MRGPRF: variants seen among roughly 807,000 people sequenced by gnomAD.
MRGPRF encodes mas-related G protein-coupled receptor member F.
MRGPRF carries 2 observed loss-of-function variants against 3.3 expected under a neutral mutation model. The observed-to-expected ratio is 0.61, with a 90% CI of 0.25 to 1.92. The LOEUF (loss-of-function observed/expected upper bound fraction) is 1.92. Ranked by LOEUF, MRGPRF falls within the 40% of genes most tolerant of loss-of-function variation. The pLI is 0.16. For missense variants in MRGPRF, 500 were observed against 476.0 expected (o/e 1.05, Z -0.47); for synonymous variants, 242 against 222.7 (o/e 1.09, Z -0.77).
chr11:69,008,224 C>T (rs920066576), intron 2 of MRGPRF, among the ~76,000 whole-genome samples: 1 of 152,204 alleles, frequency 6.6e-6, no homozygotes, highest in African/African-American at 2.4e-5. Flanking sequence ...AACAACCCAT[C>T]TATCTACAGG....
chr11:69,006,400 G>T, intron 2 of MRGPRF, 139 bp from the exon 3 acceptor site: 1 of 1,087,648 alleles, frequency 9.2e-7, no homozygotes, highest in Non-Finnish European at 1.3e-6. Context: ...GGCAGTGGCT[G>T]TGGAGCAGCT....
chr11:69,009,031 T>G (rs1349782693), intron 2 of MRGPRF, among the ~76,000 whole-genome samples: 1 of 152,196 alleles, frequency 6.6e-6, no homozygotes, highest in African/African-American at 2.4e-5. Flanking sequence ...TTCTGCAGAC[T>G]GCCTCACCCC....
intron 2 of MRGPRF, among the ~76,000 whole-genome samples, chr11:69,008,929 C>T (rs905926705): frequency 2.0e-5 from 3 of 152,310 alleles, no homozygotes; most frequent in Middle Eastern, 3.4e-3. Flanking sequence ...AGTCACTGGG[C>T]GTGTAGCTGC....
At position 69,006,273 on chromosome 11, in the gene MRGPRF, C is replaced by T. The variant is rs1566470272; in HGVS notation, c.49-12G>A. 2.5e-6 allele frequency: 4 copies of T among 1,588,550 alleles called. No individual in the cohort carries two copies. The African/African-American group carries it at 4.0e-5, about 16-fold the overall frequency. The stretch of plus-strand genomic sequence containing the variant: ...AGGCCAGGGCACATCTGCGCAGGTG[C>T]AGAGAGGGACACCTGTGATGCCGGC... On this transcript the variant is annotated splice_polypyrimidine_tract_variant and intron_variant, in intron 2 of 2. Coordinates refer to ENST00000309099, the MANE Select transcript of MRGPRF (RefSeq NM_145015.5).
Position 69,005,718 on chromosome 11 carries a change from C to T in MRGPRF, c.592G>A (p.Asp198Asn), listed in dbSNP as rs1485894023. The T allele has an allele frequency of 1.3e-6, 2 of 1,550,694 alleles. No individual in the cohort carries two copies. Among genetic ancestry groups the T allele is most frequent in the Admixed American group, 2.0e-5 (1 of 51,000 alleles). ...AACAGGAGGATGCCCAGGAAGATGTCCATGTGCCTGCAGGCCGCGCCGGGG... is the reference window on the plus strand; with the variant it reads ...AACAGGAGGATGCCCAGGAAGATGTTCATGTGCCTGCAGGCCGCGCCGGGG... Reference protein sequence around the residue: ...GAPGAACRHMDIFLGILLFLL... With the variant: ...GAPGAACRHMNIFLGILLFLL... The change falls in exon 3 of 3, where the codon GAC becomes AAC. Residue 198 changes from aspartate to asparagine, a missense_variant. By Grantham distance (23) the Asp-to-Asn change is conservative. Transcript: ENST00000309099.
chr11:69,005,324 T>C lies in MRGPRF; in HGVS notation c.986A>G (p.Asn329Ser), dbSNP rs1223983030. The change falls in exon 3 of 3, where the codon AAC (asparagine) becomes AGC (serine). Residue 329 changes from asparagine to serine, a missense_variant. Coordinates refer to ENST00000309099, the MANE Select transcript of MRGPRF (RefSeq NM_145015.5). Reference sequence around the variant, plus strand: ...ACACTGCATCTCCATGGTGACTGTGTTGGGCGTGCTGCCCCCGGCCTCCCC... The same window carrying C: ...ACACTGCATCTCCATGGTGACTGTGCTGGGCGTGCTGCCCCCGGCCTCCCC... ...ELGEAGGSTPNTVTMEMQCPP... is the reference protein window; with the variant it reads ...ELGEAGGSTPSTVTMEMQCPP... 6.4e-7 allele frequency: 1 copy of C among 1,551,568 alleles called. No individual in the cohort carries two copies. The highest frequency in any genetic ancestry group is 1.9e-5 in the Admixed American group (1 of 51,826).
In MRGPRF at chr11:69,005,782, G is replaced by A. The variant is rs1317400515; in HGVS notation, c.528C>T (p.Cys176=). The A allele has an allele frequency of 6.5e-7, 1 of 1,543,234 alleles. No homozygotes were observed. Residue 176 remains cysteine, a synonymous_variant, in exon 3 of 3, where the codon TGC becomes TGT. Coordinates refer to ENST00000309099, the MANE Select transcript of MRGPRF (RefSeq NM_145015.5). The stretch of plus-strand genomic sequence containing the variant: ...GGAACACGCAGAAGTAGTTGTGCAG[G>A]CAGGTGACCAGGAGGGACAGGACCC... ...LLWVLSLLVT[C]LHNYFCVFLG...
chr11:69,008,439 C>G (rs761639171), intron 2 of MRGPRF, among the ~76,000 whole-genome samples: 24 of 152,216 alleles, frequency 1.6e-4, no homozygotes, highest in African/African-American at 5.8e-4. Flanking sequence ...TGACTCCCAG[C>G]TCTGGCAGAA....
intron 1 of MRGPRF, among the ~76,000 whole-genome samples, chr11:69,012,725 G>A (rs1010278627): frequency 7.2e-5 from 11 of 152,282 alleles, no homozygotes; most frequent in Non-Finnish European, 1.3e-4. Context: ...GGGAGGGACC[G>A]AGAGGGAGCC....
intron 1 of MRGPRF, among the ~76,000 whole-genome samples, chr11:69,011,484 G>A (rs1370517419): frequency 6.6e-6 from 1 of 152,226 alleles, no homozygotes; most frequent in East Asian, 1.9e-4. Context: ...CCAGTGCATT[G>A]TGATGTGTGT....
chr11:69,006,687 G>A (rs555489583), intron 2 of MRGPRF, among the ~76,000 whole-genome samples: 2 of 138,588 alleles, frequency 1.4e-5, no homozygotes, highest in South Asian at 2.4e-4. Context: ...GCAGTGGCAC[G>A]ATCTCGGCTC....
upstream of MRGPRF, chr11:69,013,411 C>T (rs1225257183): frequency 6.6e-6 from 1 of 152,634 alleles, no homozygotes; most frequent in Non-Finnish European, 1.5e-5. Flanking sequence ...GAACTCATCT[C>T]TCCGCCTGGT....
Position 69,005,286 on chromosome 11 carries a change from C to A in MRGPRF, c.1024G>T (p.Ala342Ser). ...TMEMQCPPGN[A>S]S ...CTCCAGGCGCTGGAGTCTCAGGAGGCGTTCCCCGGGGGACACTGCATCTCC... is the reference window on the plus strand; with the variant it reads ...CTCCAGGCGCTGGAGTCTCAGGAGGAGTTCCCCGGGGGACACTGCATCTCC... Residue 342 changes from alanine (A) to serine (S), a missense_variant, in exon 3 of 3, where the codon GCC becomes TCC. Physicochemically the swap from Ala to Ser is moderately conservative, Grantham distance 99. Transcript: ENST00000309099. 6.7e-7 allele frequency: 1 copy of A among 1,495,930 alleles called. No homozygotes were observed. 92.7% of individuals were successfully genotyped at this position (1,495,930 alleles called of 1,614,324 possible). A position where few individuals can be genotyped will look rare whatever the true frequency, so the allele number is the denominator to read the frequency against.
intron 2 of MRGPRF, among the ~76,000 whole-genome samples, chr11:69,006,910 G>A (rs138363040): frequency 4.3e-4 from 66 of 152,132 alleles, no homozygotes; most frequent in African/African-American, 1.5e-3. Context: ...GAGTCACTGC[G>A]CCTGGCTGAG....
chr11:69,005,490 A>G lies in MRGPRF; in HGVS notation c.820T>C (p.Tyr274His), dbSNP rs370955780. 1.6e-5 allele frequency: 25 copies of G among 1,583,598 alleles called. No homozygotes were observed. The highest frequency in any genetic ancestry group is 2.1e-5 in the Non-Finnish European group (24 of 1,164,990). ...ATGCAGATGCACAGGTCAGTGACGT[A>G]CTCGGGGAAGGGGGCCGGGATCTGG... ...VFQIPAPFPE[Y>H]VTDLCICINS... Residue 274 changes from tyrosine to histidine, a missense_variant, in exon 3 of 3, where the codon TAC becomes CAC. By Grantham distance (83) the Tyr-to-His change is moderately conservative (BLOSUM62 2). Transcript: ENST00000309099.
intron 2 of MRGPRF, among the ~76,000 whole-genome samples, chr11:69,008,687 G>A (rs1860534860): frequency 6.6e-6 from 1 of 152,176 alleles, no homozygotes; most frequent in Non-Finnish European, 1.5e-5. Context: ...CCCAAATCCC[G>A]CTCCTTAGCT....
At chr11:69,012,696 G>C (rs1033651452) in intron 1 of MRGPRF, 4 of 152,372 alleles carry the variant, frequency 2.6e-5, no homozygotes, top group Admixed American at 2.6e-4. Flanking sequence ...ATGCATGCTT[G>C]AATGGCCAGT....
In MRGPRF at chr11:69,006,109, C is replaced by G; in HGVS notation, c.201G>C (p.Trp67Cys). 3 of 1,613,660 alleles carry G rather than the reference C, an allele frequency of 1.9e-6. No homozygotes were observed. The highest frequency in any genetic ancestry group is 2.2e-5 in the East Asian group (1 of 44,866). ...CGLVGNGLVLWFFGFSIKRNP... is the reference protein window; with the variant it reads ...CGLVGNGLVLCFFGFSIKRNP... ...TCCTCTTGATGGAGAAGCCGAAAAA[C>G]CAGAGGACCAGCCCGTTGCCCACCA... Residue 67 changes from tryptophan to cysteine, a missense_variant, in exon 3 of 3, where the codon TGG becomes TGC. Trp to Cys is a radical substitution (Grantham distance 215, BLOSUM62 -2). Coordinates refer to ENST00000309099, the MANE Select transcript of MRGPRF (RefSeq NM_145015.5).
chr11:69,006,815 G>A (rs1029755677), intron 2 of MRGPRF, among the ~76,000 whole-genome samples: 2 of 152,078 alleles, frequency 1.3e-5, no homozygotes, highest in Non-Finnish European at 2.9e-5. Context: ...GTAGAGACGG[G>A]GCTTCGCCGT....
Sources: gnomAD v4.1 joint callset for allele counts (sites outside exome capture counted in the v4.1 genomes callset) on GRCh38, gnomAD v4.1.1 for gene constraint, MANE v1.5 for transcripts, NCBI Gene and HGNC (gene_info 2026-07-23, HGNC 2026-07-21) for gene names.